ZNF331: variants seen among roughly 807,000 people sequenced by gnomAD.
ZNF331 encodes the protein zinc finger protein 331.
Under a neutral mutation model 7.0 loss-of-function variants are expected in ZNF331, and 2 were observed. The observed-to-expected ratio is 0.29, with a 90% CI of 0.12 to 0.90. The LOEUF is 0.90. ZNF331 is among the 40% of genes least tolerant of loss of function. ZNF331 has a pLI of 0.58. For missense variants in ZNF331, 432 were observed against 587.7 expected, an observed-to-expected ratio of 0.74 and a Z score of 2.74; for synonymous variants, 196 against 205.4, an observed-to-expected ratio of 0.95 and a Z score of 0.39.
intron 2 of ZNF331, among the ~76,000 whole-genome samples, chr19:53,530,225 C>A (rs1251335862): frequency 6.6e-6 from 1 of 152,076 alleles, no homozygotes; most frequent in African/African-American, 2.4e-5. Flanking sequence ...AACTCACTCA[C>A]CATGGCCAAG....
intron 4 of ZNF331, among the ~76,000 whole-genome samples, chr19:53,570,253 C>T (rs1358060788): frequency 6.0e-5 from 1 of 16,646 alleles, no homozygotes; most frequent in Non-Finnish European, 1.2e-4. Context: ...AAGACTCTGT[C>T]TCAAAAAAAA....
chr19:53,505,522 A>T, the ZNF331 span, among the ~76,000 whole-genome samples: 1 of 152,144 alleles, frequency 6.6e-6, no homozygotes, highest in Non-Finnish European at 1.5e-5. Context: ...GTCCTGTTGC[A>T]TGCAAGGATT....
chr19:53,560,074 T>C lies in ZNF331; in HGVS notation c.-74+4166T>C, dbSNP rs1319576945. Among the ~76,000 whole-genome samples, 3 of 148,580 alleles carry C rather than the reference T, an allele frequency of 2.0e-5. No homozygotes were observed. Among genetic ancestry groups the C allele is most frequent in the African/African-American group, 5.0e-5 (2 of 40,184 alleles). On this transcript the variant is annotated intron_variant, in intron 3 of 5. Transcript: ENST00000449416. The surrounding 1 kb of genome is among the most constrained non-coding windows in gnomAD (Gnocchi z 4.3). Reference sequence around the variant, plus strand: ...TATACACACCTACATATACATACCATACACACACATATATACACACATATA... The same window carrying C: ...TATACACACCTACATATACATACCACACACACACATATATACACACATATA...
At chr19:53,548,347 A>G (rs976895378) in intron 2 of ZNF331, among the ~76,000 whole-genome samples, 1 of 151,768 alleles carries the variant, frequency 6.6e-6, no homozygotes, top group Admixed American at 6.6e-5. Flanking sequence ...TCCTGACCTC[A>G]TGATCCACTT....
intron 2 of ZNF331, among the ~76,000 whole-genome samples, chr19:53,530,722 C>G (rs925167094): frequency 2.0e-5 from 3 of 152,214 alleles, no homozygotes; most frequent in East Asian, 1.9e-4. Flanking sequence ...AGTCAGTGCT[C>G]CAGCACATGT....
At position 53,573,092 on chromosome 19, in the gene ZNF331, GC is replaced by G. The variant is rs2090543001; in HGVS notation, c.136+1364del. ...AAATTAGCCGGGCATGGTGGCGCAC[GC>G]CTGTGATCTCAGCTACTCCGGAGGC... On this transcript the variant is annotated intron_variant, in intron 5 of 5. Transcript: ENST00000449416. This position sits in a 1 kb window ranked among gnomAD's most constrained non-coding sequence, Gnocchi z 4.2. 6.6e-6 allele frequency among the ~76,000 whole-genome samples: 1 copy of G among 152,086 alleles called. No individual in the cohort carries two copies. Among genetic ancestry groups the G allele is most frequent in the African/African-American group, 2.4e-5 (1 of 41,414 alleles).
intron 2 of ZNF331, among the ~76,000 whole-genome samples, chr19:53,526,230 T>C (rs2087286679): frequency 6.6e-6 from 1 of 152,202 alleles, no homozygotes; most frequent in African/African-American, 2.4e-5. Context: ...TACTGGCCGG[T>C]GATTTTTCTT....
chr19:53,517,532 C>T (rs1275572169), upstream of ZNF331, among the ~76,000 whole-genome samples: 1 of 152,172 alleles, frequency 6.6e-6, no homozygotes, highest in African/African-American at 2.4e-5. Context: ...CTACCCACAT[C>T]AAAGATTCTT....
At chr19:53,521,583 AGCCG>A (rs1392656582) in exon 1 of ZNF331, 4 of 152,414 alleles carry the variant, frequency 2.6e-5, no homozygotes, top group African/African-American at 4.8e-5. Flanking sequence ...GGGGTGACGC[AGCCG>A]GGCTGTGTCT....
At chr19:53,542,799 G>A (rs2088268812) in intron 2 of ZNF331, among the ~76,000 whole-genome samples, 1 of 152,190 alleles carries the variant, frequency 6.6e-6, no homozygotes, top group Admixed American at 6.5e-5. Flanking sequence ...CAGACAGCGG[G>A]TTCAAGGAAG....
At position 53,577,255 on chromosome 19, in the gene ZNF331, A is replaced by G; in HGVS notation, c.695A>G (p.Gln232Arg). ...TTTCGGCGTGGTGATGAGCTCACTC[A>G]GCACCAGAGATTCCACACTGGGGAG... ...KAFRRGDELTQHQRFHTGEKD... is the reference protein window; with the variant it reads ...KAFRRGDELTRHQRFHTGEKD... Residue 232 changes from glutamine to arginine, a missense_variant, in exon 6 of 6, where the codon CAG (glutamine) becomes CGG (arginine). Around this residue, in one of 3 missense-constraint regions of ZNF331, gnomAD observed 312 missense variants for 448.6 expected, o/e 0.70. Transcript: ENST00000449416. The G allele has an allele frequency of 6.2e-7, 1 of 1,614,098 alleles. No individual in the cohort carries two copies. Among genetic ancestry groups the G allele is most frequent in the Non-Finnish European group, 8.5e-7 (1 of 1,180,014 alleles).
intron 2 of ZNF331, among the ~76,000 whole-genome samples, chr19:53,545,388 A>C (rs757784968): frequency 2.6e-5 from 4 of 152,222 alleles, no homozygotes; most frequent in Non-Finnish European, 5.9e-5. Context: ...ACAATCCAGC[A>C]AGCAAGGGGC....
chr19:53,546,271 G>A (rs1167544010), intron 2 of ZNF331, among the ~76,000 whole-genome samples: 1 of 151,824 alleles, frequency 6.6e-6, no homozygotes, highest in African/African-American at 2.4e-5. Flanking sequence ...CTCTCCACAT[G>A]AGTTACCTTT....
At chr19:53,550,888 T>G (rs927091696) in intron 2 of ZNF331, among the ~76,000 whole-genome samples, 9 of 147,706 alleles carry the variant, frequency 6.1e-5, no homozygotes, top group African/African-American at 2.0e-4. Flanking sequence ...TCTTGCTCTG[T>G]CACCCAGTCT....
chr19:53,551,801 A>G (rs2089028647), intron 2 of ZNF331, among the ~76,000 whole-genome samples: 1 of 152,232 alleles, frequency 6.6e-6, no homozygotes, highest in Non-Finnish European at 1.5e-5. Flanking sequence ...TCTAGAATCT[A>G]AAATGTACAG....
At chr19:53,529,832 A>C (rs556525061) in intron 2 of ZNF331, among the ~76,000 whole-genome samples, 3 of 152,268 alleles carry the variant, frequency 2.0e-5, no homozygotes, top group South Asian at 2.1e-4. Flanking sequence ...AACTGAGTAG[A>C]AGCAGCTCAG....
Position 53,539,814 on chromosome 19 carries a change from G to A in ZNF331, c.-138+532G>A, listed in dbSNP as rs7256691. ...TAGACCCATTGGTCTACAATCGAAG[G>A]CTGTGTACCTTGACCACAATTATTG... On this transcript the variant is annotated intron_variant, in intron 2 of 5. Transcript: ENST00000449416. The surrounding 1 kb of genome is among the most constrained non-coding windows in gnomAD (Gnocchi z 6.1). Among the ~76,000 whole-genome samples the A allele has an allele frequency of 0.37, 56,167 of 152,056 alleles. 10,823 individuals are homozygous for A. Among genetic ancestry groups the A allele is most frequent in the East Asian group, 0.56 (2,881 of 5,174 alleles).
At chr19:53,543,121 A>G (rs1158375113) in intron 2 of ZNF331, among the ~76,000 whole-genome samples, 1 of 150,326 alleles carries the variant, frequency 6.7e-6, no homozygotes, top group Admixed American at 6.6e-5. Context: ...ACATTTTACC[A>G]TTAGAAAAAA....
intron 3 of ZNF331, among the ~76,000 whole-genome samples, chr19:53,564,891 T>G (rs1049047332): frequency 1.3e-5 from 2 of 152,242 alleles, no homozygotes; most frequent in African/African-American, 4.8e-5. Flanking sequence ...TTCTTATAAC[T>G]ACATGTGTAT....
Sources: gnomAD v4.1 joint callset for allele counts (sites outside exome capture counted in the v4.1 genomes callset) on GRCh38, gnomAD v4.1.1 for gene constraint, gnomAD v4.1.1 regional missense constraint, Gnocchi (gnomAD v3.1) non-coding constraint, MANE v1.5 for transcripts, NCBI Gene and HGNC (gene_info 2026-07-23, HGNC 2026-07-21) for gene names.